FHIT: variants seen among roughly 807,000 people sequenced by gnomAD.
FHIT encodes the protein fragile histidine triad diadenosine triphosphatase.
A neutral mutation model predicts 17.9 loss-of-function variants in FHIT; 19 were observed. The observed-to-expected ratio is 1.06, with a 90% CI of 0.74 to 1.56. The LOEUF (loss-of-function observed/expected upper bound fraction) is 1.56, where lower values mean the gene tolerates loss of function less well. Among genes scored for constraint, FHIT ranks in the 40% most tolerant of loss-of-function variants. The pLI is 0.00. For missense variants in FHIT, 248 were observed against 189.2 expected (o/e 1.31, Z -1.82); for synonymous variants, 81 against 69.7 (o/e 1.16, Z -0.81).
At chr3:61,068,990 T>G (rs1488836814) in intron 2 of FHIT, among the ~76,000 whole-genome samples, 7 of 152,186 alleles carry the variant, frequency 4.6e-5, no homozygotes, top group African/African-American at 4.8e-5. Flanking sequence ...ATCAGATATA[T>G]TCAGTGAAAT....
At chr3:60,610,182 G>A (rs2038741218) in intron 4 of FHIT, among the ~76,000 whole-genome samples, 1 of 152,108 alleles carries the variant, frequency 6.6e-6, no homozygotes, top group East Asian at 1.9e-4. Flanking sequence ...CTGTGCACTT[G>A]CATAGTGGGA....
chr3:60,137,524 T>G (rs1402377746), intron 5 of FHIT, among the ~76,000 whole-genome samples: 1 of 152,192 alleles, frequency 6.6e-6, no homozygotes, highest in African/African-American at 2.4e-5. Context: ...CAGACACTCT[T>G]GTTTCAGCAA....
intron 5 of FHIT, among the ~76,000 whole-genome samples, chr3:60,501,933 C>A (rs779577705): frequency 6.6e-6 from 1 of 152,110 alleles, no homozygotes; most frequent in African/African-American, 2.4e-5. Context: ...GCCATCCAGG[C>A]GGTTCTTTGA....
At chr3:60,027,703 CT>C (rs1700810669) in intron 5 of FHIT, among the ~76,000 whole-genome samples, 1 of 145,334 alleles carries the variant, frequency 6.9e-6, no homozygotes, top group Admixed American at 6.9e-5. Flanking sequence ...AGAATCTCTT[CT>C]GGTTCCATTT....
chr3:60,066,172 G>T (rs2630165), intron 5 of FHIT, among the ~76,000 whole-genome samples: 18,006 of 151,972 alleles, frequency 0.12, 1,236 homozygotes, highest in African/African-American at 0.18. Context: ...ACCAGCTGTT[G>T]GAGGGAAATC....
At chr3:60,337,984 CA>C (rs1710325083) in intron 5 of FHIT, among the ~76,000 whole-genome samples, 1 of 152,130 alleles carries the variant, frequency 6.6e-6, no homozygotes, top group South Asian at 2.1e-4. Flanking sequence ...AAAAATCGAA[CA>C]CCCAAGTTTC....
chr3:60,613,548 A>T lies in FHIT; in HGVS notation c.-17-76569T>A, dbSNP rs925474109. 6.6e-5 allele frequency among the ~76,000 whole-genome samples: 10 copies of T among 152,220 alleles called. No homozygotes were observed. The South Asian group carries it at 2.1e-3, about 32-fold the overall frequency. On this transcript the variant is annotated intron_variant, in intron 4 of 9. Coordinates refer to ENST00000492590, the MANE Select transcript of FHIT (RefSeq NM_002012.4). ...GGAGCCTGGATTATCTTTTCTGCTTATATCTTTCTTTTCTCCTCCCTCCAG... is the reference window on the plus strand; with the variant it reads ...GGAGCCTGGATTATCTTTTCTGCTTTTATCTTTCTTTTCTCCTCCCTCCAG...
intron 5 of FHIT, among the ~76,000 whole-genome samples, chr3:60,165,995 T>C (rs1030163261): frequency 5.3e-5 from 8 of 152,130 alleles, no homozygotes; most frequent in African/African-American, 1.9e-4. Flanking sequence ...TATCTACTGT[T>C]CCATAAAAAC....
chr3:60,585,949 A>T (rs1553661660), intron 4 of FHIT, among the ~76,000 whole-genome samples: 1 of 151,962 alleles, frequency 6.6e-6, no homozygotes. Context: ...GAACTCTCCA[A>T]GTAGGGCATT....
chr3:59,899,632 G>T (rs566604453), intron 8 of FHIT, among the ~76,000 whole-genome samples: 2 of 151,652 alleles, frequency 1.3e-5, no homozygotes, highest in South Asian at 4.2e-4. Flanking sequence ...TCAGGAGTTC[G>T]AGACCAGCCT....
At chr3:60,118,401 C>A (rs1705079302) in intron 5 of FHIT, among the ~76,000 whole-genome samples, 1 of 151,884 alleles carries the variant, frequency 6.6e-6, no homozygotes, top group South Asian at 2.1e-4. Flanking sequence ...AGCCACTGCA[C>A]CCGGCCCTGT....
intron 7 of FHIT, among the ~76,000 whole-genome samples, chr3:59,954,221 G>GTTT (rs5849313): frequency 0.14 from 17,455 of 120,700 alleles, 1,729 homozygotes; most frequent in African/African-American, 0.21. Context: ...ATTTTGTTCT[G>GTTT]TTTTTTTTTC....
At chr3:61,069,299 G>A (rs1223890967) in intron 2 of FHIT, among the ~76,000 whole-genome samples, 1 of 152,102 alleles carries the variant, frequency 6.6e-6, no homozygotes, top group South Asian at 2.1e-4. Context: ...CACTTTCTAG[G>A]TTGGTGCTTC....
intron 5 of FHIT, among the ~76,000 whole-genome samples, chr3:60,278,927 A>G (rs76925653): frequency 0.06 from 9,120 of 152,190 alleles, 396 homozygotes; most frequent in South Asian, 0.1. Flanking sequence ...CACATATATC[A>G]AAAAAGAAGA....
chr3:60,296,901 G>C lies in FHIT; in HGVS notation c.103+239959C>G, dbSNP rs12107679. 2.1e-5 allele frequency among the ~76,000 whole-genome samples: 3 copies of C among 141,396 alleles called. No homozygotes were observed. The East Asian group carries it at 6.5e-4, about 30-fold the overall frequency. 92.8% of individuals were successfully genotyped at this position (141,396 alleles called of 152,430 possible). ...TGAAAAGTCTATTCTTTCTCTAACT[G>C]AATTGCTTTTTTATTTTTGCAAAAA... On this transcript the variant is annotated intron_variant, in intron 5 of 9. Coordinates refer to ENST00000492590, the MANE Select transcript of FHIT (RefSeq NM_002012.4).
At chr3:60,571,363 A>AAAAAAAG (rs2037376968) in intron 4 of FHIT, among the ~76,000 whole-genome samples, 13 of 139,290 alleles carry the variant, frequency 9.3e-5, no homozygotes, top group African/African-American at 3.1e-4. Flanking sequence ...AAAAAAAAAA[A>AAAAAAAG]GAACAATGAA....
intron 2 of FHIT, among the ~76,000 whole-genome samples, chr3:61,161,156 T>G: frequency 6.7e-6 from 1 of 148,844 alleles, no homozygotes; most frequent in Non-Finnish European, 1.5e-5. Context: ...AAAAAAAAGA[T>G]ACAGATTTCA....
At chr3:61,204,040 C>T (rs925983031) in intron 1 of FHIT, among the ~76,000 whole-genome samples, 3 of 152,204 alleles carry the variant, frequency 2.0e-5, no homozygotes, top group Admixed American at 6.5e-5. Context: ...AAGTTACCCA[C>T]ATCAACATAG....
chr3:60,491,040 T>C (rs1022574776), intron 5 of FHIT, among the ~76,000 whole-genome samples: 3 of 152,118 alleles, frequency 2.0e-5, no homozygotes, highest in African/African-American at 7.2e-5. Context: ...CCAAAAAGTA[T>C]ATGTTGCACT....
Sources: allele counts gnomAD v4.1 joint callset (sites outside exome capture counted in the v4.1 genomes callset), GRCh38; gene constraint gnomAD v4.1.1; transcripts MANE v1.5; gene names NCBI Gene and HGNC (gene_info 2026-07-23, HGNC 2026-07-21).